The following AUTS2 variants were observed in gnomAD, a reference collection of about 807,000 sequenced individuals.
The protein encoded by AUTS2 is activator of transcription and developmental regulator AUTS2.
Under a neutral mutation model 112.4 loss-of-function variants are expected in AUTS2, and 17 were observed. The ratio of observed to expected loss-of-function variants is 0.15; its 90% CI spans 0.10 to 0.23. The LOEUF is 0.23. Ranked by LOEUF, AUTS2 falls within the 10% of genes least tolerant of loss-of-function variation. The pLI, the probability that AUTS2 is intolerant of heterozygous loss-of-function variation, is 1.00. For missense variants in AUTS2, 1,510 were observed against 1,701.6 expected, an observed-to-expected ratio of 0.89 and a Z score of 1.98; for synonymous variants, 751 against 702.7, an observed-to-expected ratio of 1.07 and a Z score of -1.09.
At chr7:70,011,079 T>C (rs576380994) in intron 2 of AUTS2, among the ~76,000 whole-genome samples, 2 of 152,338 alleles carry the variant, frequency 1.3e-5, no homozygotes, top group African/African-American at 2.4e-5. Flanking sequence ...AGGCTACTTA[T>C]GTGTTGATCT....
intron 2 of AUTS2, among the ~76,000 whole-genome samples, chr7:69,980,090 AT>A: frequency 6.6e-6 from 1 of 151,714 alleles, no homozygotes; most frequent in South Asian, 2.1e-4. Context: ...CTCATCTACC[AT>A]TTTTTGTTTT....
At chr7:70,646,509 C>T (rs1190917639) in intron 5 of AUTS2, among the ~76,000 whole-genome samples, 3 of 152,202 alleles carry the variant, frequency 2.0e-5, no homozygotes, top group Admixed American at 2.0e-4. Context: ...CAGGTTGCAA[C>T]AAAAACACCC....
chr7:70,739,315 C>T (rs577347897), intron 6 of AUTS2, among the ~76,000 whole-genome samples: 4 of 150,964 alleles, frequency 2.6e-5, no homozygotes, highest in South Asian at 2.1e-4. Flanking sequence ...GTGCTCAATA[C>T]CACACCCCAC....
At chr7:69,715,477 AGG>A (rs1798564221) in intron 1 of AUTS2, among the ~76,000 whole-genome samples, 1 of 152,198 alleles carries the variant, frequency 6.6e-6, no homozygotes, top group Non-Finnish European at 1.5e-5. Context: ...GTTCACAGAC[AGG>A]GAAGGTGAAG....
chr7:70,491,181 T>C (rs1798213149), intron 5 of AUTS2, among the ~76,000 whole-genome samples: 1 of 152,158 alleles, frequency 6.6e-6, no homozygotes, highest in Admixed American at 6.5e-5. Context: ...ATTGTTGCTC[T>C]TTGTGCAACT....
At chr7:70,317,977 C>T (rs1165299673) in intron 4 of AUTS2, among the ~76,000 whole-genome samples, 1 of 152,070 alleles carries the variant, frequency 6.6e-6, no homozygotes, top group Non-Finnish European at 1.5e-5. Context: ...ATGTAATGGT[C>T]ATGACTTGCT....
chr7:70,336,757 G>C (rs866910019), intron 4 of AUTS2, among the ~76,000 whole-genome samples: 1 of 151,984 alleles, frequency 6.6e-6, no homozygotes, highest in African/African-American at 2.4e-5. Context: ...GGACGCTTGG[G>C]TTTCAGGCTG....
chr7:70,698,722 T>C lies in AUTS2; in HGVS notation c.742+102T>C, dbSNP rs1809278226. ...AGCTAGAGTGATCTTTCTCTTATAA[T>C]TCTGAAGCTACTGTTGATGTTTCAT... is the stretch of plus-strand genomic sequence containing the variant. On this transcript the variant is annotated intron_variant, in intron 6 of 18. Transcript: ENST00000342771. 7.4e-6 allele frequency: 7 copies of C among 942,580 alleles called. No homozygotes were observed. The South Asian group carries it at 1.3e-4, about 18-fold the overall frequency. The allele number at this position is 942,580 out of a possible 1,614,324, so 58.4% of individuals were successfully genotyped here.
intron 5 of AUTS2, among the ~76,000 whole-genome samples, chr7:70,654,153 A>T (rs781536700): frequency 1.1e-4 from 17 of 152,210 alleles, no homozygotes; most frequent in Non-Finnish European, 2.9e-5. Flanking sequence ...GAAATATGAT[A>T]GTCCTCTACT....
intron 17 of AUTS2, 186 bp from the exon 18 acceptor site, chr7:70,787,023 T>C: frequency 1.4e-6 from 1 of 692,428 alleles, no homozygotes; most frequent in Non-Finnish European, 2.5e-6. Flanking sequence ...AGCTGTGAGC[T>C]ACCTCTCCAG....
intron 3 of AUTS2, among the ~76,000 whole-genome samples, chr7:70,132,296 T>TTGTGTCTGTGTTCCCTCG (rs1806318997): frequency 6.6e-6 from 1 of 152,062 alleles, no homozygotes; most frequent in Non-Finnish European, 1.5e-5. Context: ...TATGGGGATC[T>TTGTGTCTGTGTTCCCTCG]TGTGTCTGTG....
At chr7:69,987,159 A>G (rs576996113) in intron 2 of AUTS2, among the ~76,000 whole-genome samples, 1 of 152,346 alleles carries the variant, frequency 6.6e-6, no homozygotes, top group Admixed American at 6.5e-5. Flanking sequence ...GCTATTTATA[A>G]AGGAGTGATT....
intron 1 of AUTS2, among the ~76,000 whole-genome samples, chr7:69,614,156 A>T (rs1222409485): frequency 6.6e-6 from 1 of 152,006 alleles, no homozygotes; most frequent in Non-Finnish European, 1.5e-5. Flanking sequence ...GGACTTCACG[A>T]TTCAGAACTG....
chr7:70,197,340 C>G (rs541796091), intron 4 of AUTS2, among the ~76,000 whole-genome samples: 1 of 152,006 alleles, frequency 6.6e-6, no homozygotes, highest in South Asian at 2.1e-4. Flanking sequence ...GAGGAGGAGC[C>G]AAGATGGCCG....
At chr7:70,787,092 A>G (rs1452961506) in intron 17 of AUTS2, 117 bp from the exon 18 acceptor site, 2 of 923,756 alleles carry the variant, frequency 2.2e-6, no homozygotes, top group East Asian at 2.6e-5. Flanking sequence ...CCAGCTCCCA[A>G]TAATATGTAT....
intron 5 of AUTS2, among the ~76,000 whole-genome samples, chr7:70,487,791 T>A (rs949396068): frequency 2.6e-5 from 4 of 152,066 alleles, no homozygotes; most frequent in African/African-American, 9.7e-5. Context: ...GGAGAGTAGC[T>A]AAGGATAAAT....
chr7:70,735,555 T>A (rs769085845), intron 6 of AUTS2, among the ~76,000 whole-genome samples: 20 of 152,234 alleles, frequency 1.3e-4, no homozygotes, highest in Non-Finnish European at 2.8e-4. Context: ...CCGAATCAAG[T>A]GAATGCGGGT....
intron 15 of AUTS2, 174 bp downstream of exon 15, chr7:70,781,930 T>TA: frequency 1.4e-6 from 1 of 709,470 alleles, no homozygotes; most frequent in Non-Finnish European, 2.3e-6. Context: ...TCTTCATTGA[T>TA]ACACTCTCTT....
intron 1 of AUTS2, among the ~76,000 whole-genome samples, chr7:69,796,288 T>C (rs1011008620): frequency 6.6e-6 from 1 of 151,924 alleles, no homozygotes; most frequent in African/African-American, 2.4e-5. Context: ...GAGGCCGAAG[T>C]GGGAGAATCA....
Sources: gnomAD v4.1 joint callset for allele counts (sites outside exome capture counted in the v4.1 genomes callset) on GRCh38, gnomAD v4.1.1 for gene constraint, MANE v1.5 for transcripts, NCBI Gene and HGNC (gene_info 2026-07-23, HGNC 2026-07-21) for gene names.